The following FUT9 variants were observed in gnomAD, a reference collection of about 807,000 sequenced individuals.
FUT9 encodes the protein fucosyltransferase 9.
FUT9 carries 15 observed loss-of-function variants against 29.7 expected under a neutral mutation model. The ratio of observed to expected loss-of-function variants is 0.51; its 90% CI spans 0.34 to 0.78. FUT9 has a LOEUF of 0.78. Ranked by LOEUF, FUT9 falls within the 30% of genes least tolerant of loss-of-function variation. The pLI is 0.01. For missense variants in FUT9, 319 were observed against 425.4 expected, an observed-to-expected ratio of 0.75 and a Z score of 2.20; for synonymous variants, 169 against 153.7, an observed-to-expected ratio of 1.10 and a Z score of -0.74.
At chr6:96,119,476 A>G (rs559778331) in intron 2 of FUT9, among the ~76,000 whole-genome samples, 3 of 152,322 alleles carry the variant, frequency 2.0e-5, no homozygotes, top group African/African-American at 7.2e-5. Flanking sequence ...CACATTTCTC[A>G]GAACATATCT....
At position 96,206,836 on chromosome 6, in the gene FUT9, T is replaced by C. The variant is rs1425418134; in HGVS notation, c.*2601T>C. The C allele has an allele frequency of 6.0e-6, 1 of 167,100 alleles. No homozygotes were observed. The allele number at this position is 167,100 out of a possible 1,614,324, so 10.4% of individuals were successfully genotyped here. A position where few individuals can be genotyped will look rare whatever the true frequency, so the allele number is the denominator to read the frequency against. On this transcript the variant is annotated 3_prime_UTR_variant, in exon 3 of 3. Transcript: ENST00000302103. Reference sequence around the variant, plus strand: ...ATATTATTTCAACCTGCCTTGGCTCTAGTGAATGTTCATGATTTGAAAGAA... The same window carrying C: ...ATATTATTTCAACCTGCCTTGGCTCCAGTGAATGTTCATGATTTGAAAGAA...
chr6:96,046,054 G>A (rs1055391630), intron 1 of FUT9, among the ~76,000 whole-genome samples: 6 of 152,000 alleles, frequency 3.9e-5, no homozygotes, highest in South Asian at 4.1e-4. Flanking sequence ...TTCTTTGTAT[G>A]TATATATGTG....
At chr6:96,194,389 C>T (rs764336404) in intron 2 of FUT9, among the ~76,000 whole-genome samples, 5 of 151,994 alleles carry the variant, frequency 3.3e-5, no homozygotes, top group East Asian at 1.9e-4. Context: ...GACTACTGAT[C>T]TACTCTACTG....
intron 2 of FUT9, among the ~76,000 whole-genome samples, chr6:96,125,311 G>A (rs759450876): frequency 5.9e-5 from 9 of 152,134 alleles, no homozygotes; most frequent in Admixed American, 1.3e-4. Flanking sequence ...AAAGCTCAAT[G>A]TCTTTGTCGT....
chr6:96,055,382 G>GTT (rs769042727), intron 1 of FUT9, among the ~76,000 whole-genome samples: 5 of 104,824 alleles, frequency 4.8e-5, no homozygotes, highest in Non-Finnish European at 6.3e-5. Context: ...GCTGTTTGGG[G>GTT]TTTGTTTTTT....
At chr6:96,068,279 A>G (rs1401540514) in intron 1 of FUT9, among the ~76,000 whole-genome samples, 1 of 152,156 alleles carries the variant, frequency 6.6e-6, no homozygotes, top group Non-Finnish European at 1.5e-5. Context: ...AAAGACAGTA[A>G]TATTGAGAAA....
In FUT9 at chr6:96,213,117, T is replaced by G. The variant is rs974779382; in HGVS notation, c.*8882T>G. On this transcript the variant is annotated 3_prime_UTR_variant, in exon 3 of 3. Coordinates refer to ENST00000302103, the MANE Select transcript of FUT9 (RefSeq NM_006581.4). ...TGTTTTCTTCTTTTCTTACTGCGCA[T>G]TTCCATGTGGCCATGTCACTACAAG... is the stretch of plus-strand genomic sequence containing the variant. The G allele has an allele frequency of 2.4e-5, 4 of 166,938 alleles. No individual in the cohort carries two copies. The highest frequency in any genetic ancestry group is 9.7e-5 in the African/African-American group (4 of 41,442). 10.3% of individuals were successfully genotyped at this position (166,938 alleles called of 1,614,324 possible).
intron 1 of FUT9, among the ~76,000 whole-genome samples, chr6:96,080,329 G>A (rs1771214311): frequency 6.6e-6 from 1 of 151,776 alleles, no homozygotes; most frequent in Non-Finnish European, 1.5e-5. Context: ...CTAGAATCTA[G>A]GACTTATTTT....
chr6:96,195,667 TG>T (rs1773611102), intron 2 of FUT9, among the ~76,000 whole-genome samples: 1 of 152,174 alleles, frequency 6.6e-6, no homozygotes, highest in Non-Finnish European at 1.5e-5. Context: ...TATAATTTGG[TG>T]TATAATAGCT....
intron 2 of FUT9, among the ~76,000 whole-genome samples, chr6:96,187,955 T>C (rs1259215298): frequency 3.9e-5 from 6 of 152,068 alleles, no homozygotes; most frequent in Non-Finnish European, 7.4e-5. Context: ...GATCAGCAAT[T>C]AATGCATCAT....
chr6:96,194,068 G>A (rs4263594), intron 2 of FUT9, among the ~76,000 whole-genome samples: 26,952 of 152,092 alleles, frequency 0.18, 2,709 homozygotes, highest in Admixed American at 0.25. Context: ...TCAGGGGAGA[G>A]GGGAGGGATA....
intron 2 of FUT9, among the ~76,000 whole-genome samples, chr6:96,129,813 T>C (rs912203273): frequency 3.9e-5 from 6 of 152,092 alleles, no homozygotes; most frequent in African/African-American, 1.4e-4. Flanking sequence ...TTATAAGTCA[T>C]GCAAATACAG....
rs1323120266 is a variant in FUT9, at chr6:96,132,996, G to A, written c.-9+18869G>A. Among the ~76,000 whole-genome samples the A allele has an allele frequency of 2.0e-5, 3 of 151,934 alleles. No homozygotes were observed. In the East Asian group the frequency reaches 5.8e-4, roughly 29 times the overall value. ...AGATGGTGTTTGGTTACATGGATATGTTCTTTAGTGGTGGTTTCTGAGATC... is the reference window on the plus strand; with the variant it reads ...AGATGGTGTTTGGTTACATGGATATATTCTTTAGTGGTGGTTTCTGAGATC... On this transcript the variant is annotated intron_variant, in intron 2 of 2. Transcript: ENST00000302103.
intron 2 of FUT9, among the ~76,000 whole-genome samples, chr6:96,135,126 T>C (rs1020532365): frequency 5.3e-5 from 8 of 151,928 alleles, no homozygotes; most frequent in Non-Finnish European, 1.2e-4. Context: ...ATAATATGAA[T>C]GGGAGACAAT....
chr6:96,143,944 G>T (rs1284921183), intron 2 of FUT9, among the ~76,000 whole-genome samples: 1 of 152,144 alleles, frequency 6.6e-6, no homozygotes, highest in Non-Finnish European at 1.5e-5. Flanking sequence ...GGTAATGCTG[G>T]TTGTGTACTT....
At chr6:96,159,861 A>T (rs1463723351) in intron 2 of FUT9, among the ~76,000 whole-genome samples, 1 of 152,200 alleles carries the variant, frequency 6.6e-6, no homozygotes, top group Non-Finnish European at 1.5e-5. Context: ...TCACTGATCC[A>T]TGCTTTATTA....
intron 1 of FUT9, among the ~76,000 whole-genome samples, chr6:96,060,302 G>A (rs1395337059): frequency 1.3e-5 from 2 of 151,950 alleles, no homozygotes; most frequent in South Asian, 2.1e-4. Flanking sequence ...AATTCATTTC[G>A]AGTACCAAAG....
intron 1 of FUT9, among the ~76,000 whole-genome samples, chr6:96,078,668 A>C (rs1305905208): frequency 4.0e-5 from 6 of 151,048 alleles, no homozygotes; most frequent in Non-Finnish European, 8.9e-5. Flanking sequence ...GATGAGCCCG[A>C]CTCGGCCTCC....
rs573171207 is a variant in FUT9, at chr6:96,114,446, T to TA, written c.-9+327dup. On this transcript the variant is annotated intron_variant, in intron 2 of 2. Coordinates refer to ENST00000302103, the MANE Select transcript of FUT9 (RefSeq NM_006581.4). ...TATTCTTTTGTTTCCTAGAAAAAAG[T>TA]AAAAAAAATTAGACATGGAAAATTT... is the stretch of plus-strand genomic sequence containing the variant. Among the ~76,000 whole-genome samples the TA allele has an allele frequency of 6.5e-3, 987 of 151,568 alleles. 16 individuals are homozygous for TA. Among genetic ancestry groups the TA allele is most frequent in the African/African-American group, 0.023 (940 of 41,440 alleles).
Sources: gnomAD v4.1 joint callset for allele counts (sites outside exome capture counted in the v4.1 genomes callset) on GRCh38, gnomAD v4.1.1 for gene constraint, MANE v1.5 for transcripts, NCBI Gene and HGNC (gene_info 2026-07-23, HGNC 2026-07-21) for gene names.